MYOM2: variants seen among roughly 807,000 people sequenced by gnomAD.
MYOM2 encodes myomesin 2.
MYOM2 carries 254 observed loss-of-function variants against 187.6 expected under a neutral mutation model. The ratio of observed to expected loss-of-function variants is 1.35; its 90% CI spans 1.22 to 1.50. The LOEUF (loss-of-function observed/expected upper bound fraction) is 1.50, where lower values mean the gene tolerates loss of function less well. Among genes scored for constraint, MYOM2 ranks in the 40% most tolerant of loss-of-function variants. MYOM2 has a pLI of 0.00. For missense variants in MYOM2, 2,796 were observed against 1,924.0 expected (o/e 1.45, Z -8.48); for synonymous variants, 981 against 753.8 (o/e 1.30, Z -4.94).
In MYOM2 at chr8:2,073,402, C is replaced by G. The variant is rs561214251; in HGVS notation, c.1022C>G (p.Ser341Cys). ...MFFGEGQASL[S>C]FSHLHKDDEG... The stretch of plus-strand genomic sequence containing the variant: ...TTTGGAGAAGGCCAGGCCTCCCTGT[C>G]CTTCAGCCACCTGCACAAGGACGAC... The change falls in exon 10 of 37, where the codon TCC becomes TGC. Residue 341 changes from serine to cysteine, a missense_variant. Transcript: ENST00000262113. 2.5e-6 allele frequency: 4 copies of G among 1,613,440 alleles called. No homozygotes were observed. Among genetic ancestry groups the G allele is most frequent in the Non-Finnish European group, 3.4e-6 (4 of 1,179,828 alleles).
Position 2,073,394 on chromosome 8 carries a change from C to A in MYOM2, c.1014C>A (p.Ala338=), listed in dbSNP as rs765275515. Residue 338 remains alanine, a synonymous_variant, in exon 10 of 37, where the codon GCC becomes GCA. Coordinates refer to ENST00000262113, the MANE Select transcript of MYOM2 (RefSeq NM_003970.4). ...AGATGTTCTTTGGAGAAGGCCAGGC[C>A]TCCCTGTCCTTCAGCCACCTGCACA... ...WTKMFFGEGQ[A]SLSFSHLHKD... is the part of the protein sequence containing the mutation. 1.2e-6 allele frequency: 2 copies of A among 1,613,314 alleles called. No individual in the cohort carries two copies. The highest frequency in any genetic ancestry group is 1.7e-5 in the Admixed American group (1 of 59,970).
chr8:2,091,333 G>C (rs1796295697), intron 15 of MYOM2, among the ~76,000 whole-genome samples: 1 of 152,094 alleles, frequency 6.6e-6, no homozygotes, highest in Admixed American at 6.6e-5. Flanking sequence ...TGTGAGCCAG[G>C]GTGCCCAGCC....
At chr8:2,136,172 C>T (rs1019745918) in intron 32 of MYOM2, among the ~76,000 whole-genome samples, 8 of 152,310 alleles carry the variant, frequency 5.3e-5, no homozygotes, top group South Asian at 2.1e-4. Flanking sequence ...ATGGGCAGCT[C>T]GAGGCTGGGA....
chr8:2,112,221 C>T (rs2116822773), intron 25 of MYOM2, among the ~76,000 whole-genome samples: 1 of 152,208 alleles, frequency 6.6e-6, no homozygotes, highest in East Asian at 1.9e-4. Context: ...AGAAATACAC[C>T]TTCAATTAGA....
At chr8:2,082,674 AT>A (rs1819668983) in intron 13 of MYOM2, among the ~76,000 whole-genome samples, 2 of 152,208 alleles carry the variant, frequency 1.3e-5, no homozygotes, top group Non-Finnish European at 2.9e-5. Context: ...AAAGGCCAGA[AT>A]AGACCCTCAC....
At chr8:2,107,404 C>A (rs565496573) in intron 23 of MYOM2, among the ~76,000 whole-genome samples, 2 of 152,068 alleles carry the variant, frequency 1.3e-5, no homozygotes, top group Non-Finnish European at 2.9e-5. Context: ...AAATGATCTC[C>A]AGGGGAGTCC....
At chr8:2,134,004 A>ACATCTTATGTAGCCACCTCCACC (rs1797967542) in intron 32 of MYOM2, among the ~76,000 whole-genome samples, 1 of 150,808 alleles carries the variant, frequency 6.6e-6, no homozygotes, top group African/African-American at 2.5e-5. Context: ...CCTGAGGTTA[A>ACATCTTATGTAGCCACCTCCACC]CGCCTTGTGT....
intron 31 of MYOM2, among the ~76,000 whole-genome samples, chr8:2,127,352 G>A (rs1797684205): frequency 6.6e-6 from 1 of 151,960 alleles, no homozygotes; most frequent in Non-Finnish European, 1.5e-5. Context: ...CAGATGCAGG[G>A]ACCCTCCAAG....
intron 28 of MYOM2, among the ~76,000 whole-genome samples, chr8:2,121,514 T>C (rs1797457581): frequency 6.6e-6 from 1 of 152,188 alleles, no homozygotes; most frequent in South Asian, 2.1e-4. Flanking sequence ...TTGAGGGTTT[T>C]TTGTGCAATT....
At chr8:2,120,689 A>ATATATATAAAAATATATATTTATAATAT in intron 28 of MYOM2, among the ~76,000 whole-genome samples, 1 of 42,386 alleles carries the variant, frequency 2.4e-5, no homozygotes, top group African/African-American at 7.5e-5. Context: ...ATTATATATA[A>ATATATATAAAAATATATATTTATAATAT]ATATATAATA....
At chr8:2,069,586 CTTTT>C in intron 8 of MYOM2, 89 bp downstream of exon 8, 2 of 1,201,418 alleles carry the variant, frequency 1.7e-6, no homozygotes, top group Non-Finnish European at 2.3e-6. Flanking sequence ...AGGGCCAAAT[CTTTT>C]TTTTTTTTTG....
In MYOM2 at chr8:2,140,755, G is replaced by T. The variant is rs763794071; in HGVS notation, c.3833G>T (p.Arg1278Ile). The T allele has an allele frequency of 1.9e-6, 3 of 1,614,124 alleles. No individual in the cohort carries two copies. The highest frequency in any genetic ancestry group is 1.1e-5 in the South Asian group (1 of 91,080). ...DAKISSSEHM[R>I]IGGSEEMAWL... ...AAGATCTCATCCAGTGAGCATATGAGAATCGGGGGGAGTGAAGAGATGGCT... is the reference window on the plus strand; with the variant it reads ...AAGATCTCATCCAGTGAGCATATGATAATCGGGGGGAGTGAAGAGATGGCT... The change falls in exon 33 of 37, where the codon AGA becomes ATA. Residue 1278 changes from arginine to isoleucine, a missense_variant. Coordinates refer to ENST00000262113, the MANE Select transcript of MYOM2 (RefSeq NM_003970.4).
chr8:2,143,210 C>T, intron 35 of MYOM2, 191 bp from the exon 36 acceptor site: 1 of 665,654 alleles, frequency 1.5e-6, no homozygotes, highest in African/African-American at 1.8e-5. Flanking sequence ...GTTATCTCCT[C>T]ATCTACCTTC....
At chr8:2,096,139 C>A (rs889308592) in intron 17 of MYOM2, 108 bp from the exon 18 acceptor site, 2 of 1,031,460 alleles carry the variant, frequency 1.9e-6, no homozygotes, top group Non-Finnish European at 1.5e-6. Flanking sequence ...TGTTCAGGCC[C>A]GTCTCCACGT....
In MYOM2 at chr8:2,113,233, A is replaced by G. The variant is rs531252399; in HGVS notation, c.3181-2727A>G. Among the ~76,000 whole-genome samples the G allele has an allele frequency of 2.0e-5, 3 of 152,340 alleles. No individual in the cohort carries two copies. The South Asian group carries it at 6.2e-4, about 32-fold the overall frequency. ...TTCCCTCGACGCCATCGTGCCTTGC[A>G]TTACTGCTGCATTTAGGATGAGTCA... On this transcript the variant is annotated intron_variant, in intron 25 of 36. Transcript: ENST00000262113.
intron 11 of MYOM2, chr8:2,076,523 G>T: frequency 1.9e-6 from 1 of 524,952 alleles, no homozygotes; most frequent in Non-Finnish European, 3.3e-6. Flanking sequence ...TCGTTTGCCT[G>T]TTGCACACCC....
intron 1 of MYOM2, among the ~76,000 whole-genome samples, chr8:2,045,711 T>A (rs1278419995): frequency 2.0e-5 from 3 of 152,248 alleles, no homozygotes; most frequent in African/African-American, 7.2e-5. Context: ...GACAGCGTTC[T>A]TACGGCTGTT....
chr8:2,130,778 C>G lies in MYOM2; in HGVS notation c.3800+1546C>G, dbSNP rs185199608. The stretch of plus-strand genomic sequence containing the variant: ...GAAGGCAGGGTCTTTTTTTAAAGGA[C>G]TGTGATAACAGGAGCTTACAGGACT... On this transcript the variant is annotated intron_variant, in intron 32 of 36. Transcript: ENST00000262113. 3.4e-3 allele frequency among the ~76,000 whole-genome samples: 520 copies of G among 152,164 alleles called. 4 individuals carry two copies. The highest frequency in any genetic ancestry group is 0.012 in the African/African-American group (491 of 41,520).
At chr8:2,067,219 T>A (rs1338578681) in intron 6 of MYOM2, among the ~76,000 whole-genome samples, 3 of 152,208 alleles carry the variant, frequency 2.0e-5, no homozygotes, top group Admixed American at 2.0e-4. Flanking sequence ...ATAAAATTAC[T>A]AATGACTTCG....
Sources: allele counts gnomAD v4.1 joint callset (sites outside exome capture counted in the v4.1 genomes callset), GRCh38; gene constraint gnomAD v4.1.1; transcripts MANE v1.5; gene names NCBI Gene and HGNC (gene_info 2026-07-23, HGNC 2026-07-21).